Variants in ANK3 observed in about 807,000 individuals in gnomAD.
The protein encoded by ANK3 is ankyrin-3.
Under a neutral mutation model 370.9 loss-of-function variants are expected in ANK3, and 57 were observed. The observed-to-expected ratio is 0.15, with a 90% confidence interval of 0.12 to 0.19. The LOEUF (loss-of-function observed/expected upper bound fraction) is 0.19, where lower values mean the gene tolerates loss of function less well. ANK3 is among the 10% of genes least tolerant of loss of function. The probability of loss-of-function intolerance (pLI) is 1.00; values close to 1 mark genes in which losing one functional copy is unlikely to be tolerated. For synonymous variants in ANK3, 1,929 were observed against 1,946.3 expected (o/e 0.99, Z 0.23); for missense variants, 4,439 against 5,302.1 (o/e 0.84, Z 5.06).
intron 8 of ANK3, among the ~76,000 whole-genome samples, chr10:60,218,842 G>A (rs930727083): frequency 1.3e-5 from 2 of 152,060 alleles, no homozygotes; most frequent in Non-Finnish European, 2.9e-5. Flanking sequence ...TTGCTAGGTC[G>A]GGTAAGTTCT....
At chr10:60,549,899 C>T (rs927722237) in intron 2 of ANK3, among the ~76,000 whole-genome samples, 3 of 152,046 alleles carry the variant, frequency 2.0e-5, no homozygotes, top group Non-Finnish European at 4.4e-5. Context: ...CACTAGGTGG[C>T]ATATTACTCT....
chr10:60,520,084 T>A (rs2076314158), intron 2 of ANK3, among the ~76,000 whole-genome samples: 1 of 152,124 alleles, frequency 6.6e-6, no homozygotes, highest in Non-Finnish European at 1.5e-5. Flanking sequence ...CATATACACA[T>A]GGAATACTAC....
intron 7 of ANK3, among the ~76,000 whole-genome samples, chr10:60,239,848 G>A (rs183177526): frequency 1.3e-5 from 2 of 151,896 alleles, no homozygotes; most frequent in Admixed American, 1.3e-4. Context: ...CTGTTGTCAG[G>A]CTCATACCAT....
intron 11 of ANK3, among the ~76,000 whole-genome samples, chr10:60,205,507 G>A (rs1187366437): frequency 6.6e-6 from 1 of 152,146 alleles, no homozygotes; most frequent in Non-Finnish European, 1.5e-5. Flanking sequence ...TACAGTATAG[G>A]ATTTGATATA....
At chr10:60,683,729 A>T (rs1393190679) in intron 1 of ANK3, among the ~76,000 whole-genome samples, 2 of 152,190 alleles carry the variant, frequency 1.3e-5, no homozygotes, top group African/African-American at 4.8e-5. Flanking sequence ...TGTTTCCCAA[A>T]TTAACATTGA....
At chr10:60,366,755 T>C (rs1229685870) in intron 1 of ANK3, among the ~76,000 whole-genome samples, 1 of 152,066 alleles carries the variant, frequency 6.6e-6, no homozygotes, top group Admixed American at 6.5e-5. Context: ...ACACTATCCT[T>C]TTTCACAGAG....
intron 1 of ANK3, among the ~76,000 whole-genome samples, chr10:60,662,618 T>C (rs1304272488): frequency 6.6e-6 from 1 of 152,212 alleles, no homozygotes; most frequent in East Asian, 1.9e-4. Context: ...TAAAATATAC[T>C]GACCGATTTC....
intron 28 of ANK3, among the ~76,000 whole-genome samples, chr10:60,088,853 TATTTGTAGAAA>T (rs2087400352): frequency 1.3e-5 from 2 of 152,212 alleles, no homozygotes; most frequent in Admixed American, 1.3e-4. Flanking sequence ...TTAATATAAG[TATTTGTAGAAA>T]ATATTTTTAC....
chr10:60,395,891 C>T lies in ANK3; in HGVS notation c.97-116252G>A, dbSNP rs201327640. Among the ~76,000 whole-genome samples the T allele has an allele frequency of 4.3e-4, 66 of 152,146 alleles. No homozygotes were observed. The East Asian group carries it at 9.1e-3, about 21-fold the overall frequency. ...TGCTACAGAAGCAGGGATGGGGTAA[C>T]GTAAAACAGAATGAAGAGGTCAGCA... On this transcript the variant is annotated intron_variant, in intron 2 of 43. Transcript: ENST00000373827.
intron 1 of ANK3, among the ~76,000 whole-genome samples, chr10:60,348,347 C>CAA (rs35147179): frequency 6.8e-3 from 462 of 67,582 alleles, no homozygotes; most frequent in African/African-American, 0.012. Context: ...TATCACTAGC[C>CAA]AAAAAAAAAA....
chr10:60,136,849 T>C (rs547763363), intron 24 of ANK3, among the ~76,000 whole-genome samples: 1 of 152,180 alleles, frequency 6.6e-6, no homozygotes, highest in Non-Finnish European at 1.5e-5. Flanking sequence ...TAAAGATTAT[T>C]TGCATGAGGA....
chr10:60,109,849 A>G (rs2092555841), intron 26 of ANK3, among the ~76,000 whole-genome samples: 1 of 152,212 alleles, frequency 6.6e-6, no homozygotes, highest in Non-Finnish European at 1.5e-5. Flanking sequence ...TTTGGGTAGA[A>G]GCATATTGGA....
chr10:60,381,877 T>A (rs2061597215), intron 1 of ANK3, among the ~76,000 whole-genome samples: 1 of 152,194 alleles, frequency 6.6e-6, no homozygotes, highest in African/African-American at 2.4e-5. Flanking sequence ...GAACTCACAT[T>A]GAGCCTCAAG....
At chr10:60,182,516 A>G (rs1328710503) in intron 17 of ANK3, among the ~76,000 whole-genome samples, 1 of 152,158 alleles carries the variant, frequency 6.6e-6, no homozygotes, top group East Asian at 1.9e-4. Flanking sequence ...GTACTTTCAG[A>G]TTTTTTGCTT....
chr10:60,203,386 T>C (rs576590446), intron 11 of ANK3, among the ~76,000 whole-genome samples: 13 of 152,248 alleles, frequency 8.5e-5, no homozygotes, highest in Non-Finnish European at 1.8e-4. Context: ...TTTGAAAAAA[T>C]TGATAAATAA....
At chr10:60,405,327 T>C (rs111297176) in intron 2 of ANK3, among the ~76,000 whole-genome samples, 1,974 of 152,220 alleles carry the variant, frequency 0.013, 50 homozygotes, top group African/African-American at 0.045. Flanking sequence ...CAATTAATCT[T>C]AAAGAAGGAA....
At chr10:60,314,716 G>T (rs11819741) in intron 1 of ANK3, among the ~76,000 whole-genome samples, 3,620 of 152,234 alleles carry the variant, frequency 0.024, 128 homozygotes, top group African/African-American at 0.079. Flanking sequence ...AACTCCATTC[G>T]AGGAGGACAG....
At chr10:60,516,724 G>T (rs2076227776) in intron 2 of ANK3, among the ~76,000 whole-genome samples, 1 of 152,024 alleles carries the variant, frequency 6.6e-6, no homozygotes, top group Admixed American at 6.6e-5. Context: ...CTATGATTGT[G>T]CCTGTGAATA....
intron 1 of ANK3, among the ~76,000 whole-genome samples, chr10:60,721,896 G>A (rs186335936): frequency 6.6e-6 from 1 of 152,216 alleles, no homozygotes; most frequent in East Asian, 1.9e-4. Flanking sequence ...TCTTTAAATT[G>A]GCTGAAATCT....
Sources: allele counts gnomAD v4.1 joint callset (sites outside exome capture counted in the v4.1 genomes callset), GRCh38; gene constraint gnomAD v4.1.1; transcripts MANE v1.5; gene names NCBI Gene and HGNC (gene_info 2026-07-23, HGNC 2026-07-21).